PTPRN2: variants seen among roughly 807,000 people sequenced by gnomAD.
PTPRN2 encodes protein tyrosine phosphatase receptor type N2.
PTPRN2 carries 74 observed loss-of-function variants against 118.8 expected under a neutral mutation model. The ratio of observed to expected loss-of-function variants is 0.62; its 90% CI spans 0.52 to 0.76. PTPRN2 has a LOEUF of 0.76. Among genes scored for constraint, PTPRN2 ranks in the 30% least tolerant of loss-of-function variants. PTPRN2 has a pLI of 0.00. For missense variants in PTPRN2, 1,481 were observed against 1,394.4 expected, an observed-to-expected ratio of 1.06 and a Z score of -0.99; for synonymous variants, 641 against 608.0, an observed-to-expected ratio of 1.05 and a Z score of -0.80.
intron 2 of PTPRN2, among the ~76,000 whole-genome samples, chr7:158,336,251 C>A (rs1269389140): frequency 8.9e-5 from 6 of 67,380 alleles, no homozygotes; most frequent in African/African-American, 3.7e-4. Context: ...CCACACACGT[C>A]ACTCGCACTC....
At chr7:158,083,892 G>A (rs1336540634) in intron 10 of PTPRN2, among the ~76,000 whole-genome samples, 5 of 93,520 alleles carry the variant, frequency 5.3e-5, no homozygotes, top group East Asian at 8.0e-4. Context: ...TCAGAGGGTC[G>A]GTAACGTGAC....
rs565460830 is a variant in PTPRN2, at chr7:157,845,215, A to G, written c.1788+53458T>C. On this transcript the variant is annotated intron_variant, in intron 12 of 22. Coordinates refer to ENST00000389418, the MANE Select transcript of PTPRN2 (RefSeq NM_002847.5). The surrounding 1 kb of genome is among the most constrained non-coding windows in gnomAD (Gnocchi z 4.5). The stretch of plus-strand genomic sequence containing the variant: ...AGAAAAAGATACACAGGCTAATGTA[A>G]TGAATACACTAGCACCCTTAGCCAG... Among the ~76,000 whole-genome samples, 1 of 152,304 alleles carries G rather than the reference A, an allele frequency of 6.6e-6. No homozygotes were observed. Among genetic ancestry groups the G allele is most frequent in the East Asian group, 1.9e-4 (1 of 5,186 alleles).
intron 14 of PTPRN2, among the ~76,000 whole-genome samples, chr7:157,655,604 G>A (rs1033804746): frequency 2.6e-4 from 40 of 152,326 alleles, no homozygotes; most frequent in African/African-American, 9.1e-4. Flanking sequence ...GCCAAGCAGC[G>A]TAACAGGCTC....
intron 1 of PTPRN2, among the ~76,000 whole-genome samples, chr7:158,528,953 C>T (rs1423524064): frequency 6.6e-6 from 1 of 152,140 alleles, no homozygotes; most frequent in Non-Finnish European, 1.5e-5. Context: ...GTGGAAACAC[C>T]AGCTCCTCAG....
At chr7:158,239,453 C>T (rs1182271303) in intron 3 of PTPRN2, among the ~76,000 whole-genome samples, 1 of 152,170 alleles carries the variant, frequency 6.6e-6, no homozygotes, top group Non-Finnish European at 1.5e-5. Context: ...ACCCTCCTGC[C>T]GTGTGGGGCA....
intron 2 of PTPRN2, among the ~76,000 whole-genome samples, chr7:158,435,298 T>C (rs1358011056): frequency 6.6e-6 from 1 of 152,172 alleles, no homozygotes; most frequent in African/African-American, 2.4e-5. Flanking sequence ...AGGACCTAAA[T>C]AGACATTTCT....
chr7:158,183,933 C>T (rs534677971), intron 5 of PTPRN2, among the ~76,000 whole-genome samples: 8 of 152,034 alleles, frequency 5.3e-5, no homozygotes, highest in Non-Finnish European at 8.8e-5. Context: ...ATGCTAACAC[C>T]GCTTCTAATC....
chr7:157,673,229 G>C (rs1283430966), intron 13 of PTPRN2, among the ~76,000 whole-genome samples: 1 of 152,132 alleles, frequency 6.6e-6, no homozygotes, highest in Non-Finnish European at 1.5e-5. Context: ...TCGCCATGTT[G>C]GCCAGGCTGG....
intron 12 of PTPRN2, among the ~76,000 whole-genome samples, chr7:157,735,704 G>A (rs971712662): frequency 2.0e-5 from 3 of 152,140 alleles, no homozygotes; most frequent in Non-Finnish European, 4.4e-5. Flanking sequence ...TAAACTCCTC[G>A]GGGCAGGCGC....
chr7:158,430,413 C>T (rs1048267081), intron 2 of PTPRN2, among the ~76,000 whole-genome samples: 3 of 152,202 alleles, frequency 2.0e-5, no homozygotes, highest in African/African-American at 7.2e-5. Flanking sequence ...AGATGAAAAC[C>T]ACCCCAGGCA....
intron 19 of PTPRN2, among the ~76,000 whole-genome samples, chr7:157,574,001 A>C (rs1387337008): frequency 1.3e-5 from 2 of 152,194 alleles, no homozygotes; most frequent in Non-Finnish European, 2.9e-5. Context: ...GCAAAGCATC[A>C]CAAATAGAGA....
At chr7:157,830,850 C>T (rs912843004) in intron 12 of PTPRN2, among the ~76,000 whole-genome samples, 8 of 152,230 alleles carry the variant, frequency 5.3e-5, no homozygotes, top group South Asian at 2.1e-4. Flanking sequence ...ATTGGGACAA[C>T]GGGAAAACTG....
At chr7:158,099,882 CA>C (rs1815084326) in intron 10 of PTPRN2, among the ~76,000 whole-genome samples, 2 of 132,072 alleles carry the variant, frequency 1.5e-5, no homozygotes, top group East Asian at 4.4e-4. Context: ...TTCCTCTCCC[CA>C]CTCCTCCCTC....
intron 3 of PTPRN2, among the ~76,000 whole-genome samples, chr7:158,221,413 A>G (rs1418386179): frequency 6.6e-6 from 1 of 152,174 alleles, no homozygotes; most frequent in Non-Finnish European, 1.5e-5. Flanking sequence ...GCAACTATTA[A>G]CAGGTAAATA....
intron 2 of PTPRN2, among the ~76,000 whole-genome samples, chr7:158,378,804 C>T (rs1810741997): frequency 6.6e-6 from 1 of 152,150 alleles, no homozygotes; most frequent in African/African-American, 2.4e-5. Flanking sequence ...TAATTCCTTC[C>T]ATGCAGCACT....
intron 2 of PTPRN2, among the ~76,000 whole-genome samples, chr7:158,396,224 A>C (rs1259241474): frequency 6.6e-6 from 1 of 152,164 alleles, no homozygotes; most frequent in East Asian, 1.9e-4. Context: ...CGTCATTGTC[A>C]AAGGCCTTTT....
intron 11 of PTPRN2, among the ~76,000 whole-genome samples, chr7:158,033,681 G>A (rs1807858973): frequency 6.6e-6 from 1 of 152,208 alleles, no homozygotes; most frequent in Non-Finnish European, 1.5e-5. Context: ...CTGAGGCCCA[G>A]GTGAGCATCC....
intron 2 of PTPRN2, among the ~76,000 whole-genome samples, chr7:158,351,726 G>A (rs77758077): frequency 1.2e-4 from 18 of 152,208 alleles, no homozygotes; most frequent in East Asian, 9.7e-4. Context: ...ACGGCCCCAC[G>A]GGAGGAGCCT....
intron 4 of PTPRN2, among the ~76,000 whole-genome samples, chr7:158,198,234 T>C (rs1399377745): frequency 2.0e-5 from 3 of 152,230 alleles, no homozygotes; most frequent in Non-Finnish European, 2.9e-5. Context: ...TTTGTGATGC[T>C]GCAGTATGTT....
Sources: allele counts gnomAD v4.1 joint callset (sites outside exome capture counted in the v4.1 genomes callset), GRCh38; gene constraint gnomAD v4.1.1; non-coding constraint Gnocchi (gnomAD v3.1); transcripts MANE v1.5; gene names NCBI Gene and HGNC (gene_info 2026-07-23, HGNC 2026-07-21).